CHST13: variants seen among roughly 807,000 people sequenced by gnomAD.
CHST13 encodes the protein carbohydrate sulfotransferase 13.
CHST13 carries 1 observed loss-of-function variant against 7.0 expected under a neutral mutation model. That is an observed-to-expected ratio of 0.14 (90% CI 0.05 to 0.68). CHST13 has a LOEUF of 0.68. Among genes scored for constraint, CHST13 ranks in the 30% least tolerant of loss-of-function variants. The pLI, the probability that CHST13 is intolerant of heterozygous loss-of-function variation, is 0.82. For missense variants in CHST13, 572 were observed against 507.9 expected, an observed-to-expected ratio of 1.13 and a Z score of -1.21; for synonymous variants, 257 against 240.9, an observed-to-expected ratio of 1.07 and a Z score of -0.62.
At chr3:126,530,153 G>A (rs1490305713) in intron 1 of CHST13, among the ~76,000 whole-genome samples, 3 of 152,214 alleles carry the variant, frequency 2.0e-5, no homozygotes, top group Non-Finnish European at 4.4e-5. Flanking sequence ...ATGGCAGCCT[G>A]CCCGTCTGCA....
At chr3:126,527,580 G>C (rs1364678991) in intron 1 of CHST13, 1 of 152,404 alleles carries the variant, frequency 6.6e-6, no homozygotes, top group Non-Finnish European at 1.5e-5. Flanking sequence ...GGCAGGAAGG[G>C]CTGGGAGGCT....
intron 2 of CHST13, among the ~76,000 whole-genome samples, chr3:126,538,493 C>T (rs567559401): frequency 2.6e-5 from 4 of 152,346 alleles, no homozygotes; most frequent in Admixed American, 6.5e-5. Context: ...GCTTCAGCAA[C>T]GACACACGAA....
chr3:126,532,535 C>G (rs1425097206), intron 1 of CHST13, among the ~76,000 whole-genome samples: 1 of 152,206 alleles, frequency 6.6e-6, no homozygotes, highest in Non-Finnish European at 1.5e-5. Context: ...TGTCCTTTCC[C>G]CATTGAATTG....
At chr3:126,540,206 T>C (rs1195249554) in intron 2 of CHST13, among the ~76,000 whole-genome samples, 1 of 152,168 alleles carries the variant, frequency 6.6e-6, no homozygotes, top group Admixed American at 6.5e-5. Flanking sequence ...TGGAAACACC[T>C]GAAGCCTTTT....
Position 126,542,152 on chromosome 3 carries a change from C to T in CHST13, c.600C>T (p.Tyr200=), listed in dbSNP as rs7614066. The T allele has an allele frequency of 0.029, 44,737 of 1,543,624 alleles. 978 individuals are homozygous for T. The highest frequency in any genetic ancestry group is 0.097 in the African/African-American group (6,798 of 70,360). The change falls in exon 3 of 3, where the codon TAC becomes TAT. Residue 200 remains tyrosine, a synonymous_variant. Coordinates refer to ENST00000319340, the MANE Select transcript of CHST13 (RefSeq NM_152889.3). ...ACAGCGCCGCCTTCCAGAGGCGCTA[C>T]GGTGCACGCATCGTTCAGCGCCTGC... ...RPYSAAFQRR[Y]GARIVQRLRP...
chr3:126,525,056 C>T (rs1936510464), intron 1 of CHST13, among the ~76,000 whole-genome samples: 2 of 152,162 alleles, frequency 1.3e-5, no homozygotes, highest in Admixed American at 6.5e-5. Context: ...TGTGAAGCCT[C>T]CCATCAACCC....
intron 1 of CHST13, among the ~76,000 whole-genome samples, chr3:126,525,819 G>A (rs577995115): frequency 7.2e-5 from 11 of 152,198 alleles, no homozygotes; most frequent in Non-Finnish European, 2.9e-5. Flanking sequence ...TGTCTCCGTG[G>A]GACACCTCTC....
At chr3:126,533,082 G>C (rs937870746) in intron 1 of CHST13, among the ~76,000 whole-genome samples, 3 of 152,070 alleles carry the variant, frequency 2.0e-5, no homozygotes, top group African/African-American at 7.2e-5. Context: ...TATTAATCTT[G>C]CATCGTGCAA....
rs535442838 is a variant in CHST13 at position 126,530,853 on chromosome 3, C to T, written c.98-5418C>T. Among the ~76,000 whole-genome samples the T allele has an allele frequency of 2.0e-5, 3 of 152,390 alleles. No homozygotes were observed. In the South Asian group the frequency reaches 6.2e-4, roughly 32 times the overall value. On this transcript the variant is annotated intron_variant, in intron 1 of 2. Transcript: ENST00000319340. ...AGACACAGGTGGCCCTGAACCTCCT[C>T]AGCCTCCTCTGCATGCCCTGGCCAC...
rs998566202 is a variant in CHST13, at chr3:126,529,469, C to T, written c.97+5040C>T. The T allele has an allele frequency of 1.5e-5, 17 of 1,129,632 alleles. No homozygotes were observed. In the African/African-American group the frequency reaches 2.8e-4, roughly 18 times the overall value. The allele number at this position is 1,129,632 out of a possible 1,614,324, so 70.0% of individuals were successfully genotyped here. On this transcript the variant is annotated intron_variant, in intron 1 of 2. Transcript: ENST00000319340. ...AGGGTGCAGATGCTGGCACCGGTGG[C>T]CTGGGGTCAAATTCTGTTTCTGGCA... is the stretch of plus-strand genomic sequence containing the variant.
chr3:126,536,921 A>C (rs897801789), intron 2 of CHST13, among the ~76,000 whole-genome samples: 6 of 146,802 alleles, frequency 4.1e-5, no homozygotes, highest in African/African-American at 1.1e-4. Context: ...ACACACACAC[A>C]CACCCCACAC....
chr3:126,539,692 AC>A (rs1936889441), intron 2 of CHST13, among the ~76,000 whole-genome samples: 1 of 118,310 alleles, frequency 8.5e-6, no homozygotes, highest in Admixed American at 8.6e-5. Context: ...CAGACACCAC[AC>A]ACACACCACA....
Position 126,526,500 on chromosome 3 carries a change from C to T in CHST13, c.97+2071C>T, listed in dbSNP as rs556312911. Among the ~76,000 whole-genome samples, 10 of 152,290 alleles carry T rather than the reference C, an allele frequency of 6.6e-5. No homozygotes were observed. The South Asian group carries it at 1.7e-3, about 25-fold the overall frequency. On this transcript the variant is annotated intron_variant, in intron 1 of 2. Transcript: ENST00000319340. ...AGGGCAGGCCCAGCACTGTCCCCTC[C>T]TTCTCCAGAGCAAGAGGCCCAGCAC... is the stretch of plus-strand genomic sequence containing the variant.
chr3:126,536,421 T>G (rs529448346), intron 2 of CHST13, 68 bp downstream of exon 2: 12 of 1,224,514 alleles, frequency 9.8e-6, no homozygotes, highest in Non-Finnish European at 1.4e-5. Context: ...ACAGCAACAG[T>G]GCAGACCTGC....
At chr3:126,536,691 G>A (rs1292406192) in intron 2 of CHST13, among the ~76,000 whole-genome samples, 1 of 151,950 alleles carries the variant, frequency 6.6e-6, no homozygotes, top group Non-Finnish European at 1.5e-5. Flanking sequence ...AGTGTGTGCT[G>A]CAGTGGGGAG....
chr3:126,541,682 A>T, intron 2 of CHST13, 51 bp from the exon 3 acceptor site: 1 of 1,370,878 alleles, frequency 7.3e-7, no homozygotes, highest in Non-Finnish European at 9.4e-7. Context: ...AGAGTCAGGG[A>T]GCCCGCGCTG....
At chr3:126,535,919 C>T (rs1936780116) in intron 1 of CHST13, among the ~76,000 whole-genome samples, 1 of 152,244 alleles carries the variant, frequency 6.6e-6, no homozygotes, top group Non-Finnish European at 1.5e-5. Context: ...AGGGTTGGGG[C>T]ATGAGGCCAG....
Position 126,524,223 on chromosome 3 carries a change from C to T in CHST13, c.-110C>T. ...TGCCGTGCTCCCCTGCCCTGCGCCG[C>T]GCCGCGCGTCTTGGTAGGCGCTGCG... On this transcript the variant is annotated 5_prime_UTR_variant, in exon 1 of 3. Transcript: ENST00000319340. 1 of 875,578 alleles carries T rather than the reference C, an allele frequency of 1.1e-6. No homozygotes were observed. The highest frequency in any genetic ancestry group is 4.6e-5 in the Admixed American group (1 of 21,652). The allele number at this position is 875,578 out of a possible 1,614,324, so 54.2% of individuals were successfully genotyped here.
intron 1 of CHST13, chr3:126,526,950 C>G (rs565117801): frequency 6.6e-6 from 1 of 152,376 alleles, no homozygotes; most frequent in East Asian, 1.9e-4. Flanking sequence ...TCTGCTCGTG[C>G]AGGTACTGGG....
Sources: allele counts gnomAD v4.1 joint callset (sites outside exome capture counted in the v4.1 genomes callset), GRCh38; gene constraint gnomAD v4.1.1; transcripts MANE v1.5; gene names NCBI Gene and HGNC (gene_info 2026-07-23, HGNC 2026-07-21).